The following CYP7B1 variants were observed in gnomAD, a reference collection of about 807,000 sequenced individuals.
The protein encoded by CYP7B1 is cytochrome P450 7B1.
CYP7B1 carries 29 observed loss-of-function variants against 42.7 expected under a neutral mutation model. The observed-to-expected ratio is 0.68, with a 90% CI of 0.51 to 0.93. The LOEUF is 0.93. Among genes scored for constraint, CYP7B1 ranks in the 40% least tolerant of loss-of-function variants. The pLI is 0.00. For synonymous variants in CYP7B1, 235 were observed against 218.2 expected (o/e 1.08, Z -0.68); for missense variants, 655 against 600.5 (o/e 1.09, Z -0.95).
intron 1 of CYP7B1, among the ~76,000 whole-genome samples, chr8:64,691,278 T>C (rs1302276971): frequency 6.6e-6 from 1 of 152,156 alleles, no homozygotes; most frequent in Non-Finnish European, 1.5e-5. Context: ...TTAAGCAGGC[T>C]TAGTGATCAC....
chr8:64,747,916 G>A (rs1256157903), intron 1 of CYP7B1, among the ~76,000 whole-genome samples: 1 of 152,018 alleles, frequency 6.6e-6, no homozygotes, highest in Non-Finnish European at 1.5e-5. Context: ...GTCACCCAAT[G>A]GGTAAGGCTA....
chr8:64,686,377 G>A (rs867863936), intron 1 of CYP7B1, among the ~76,000 whole-genome samples: 1 of 36,394 alleles, frequency 2.7e-5, no homozygotes, highest in Non-Finnish European at 6.0e-5. Flanking sequence ...CCCTCTGCCC[G>A]GCCAGCCGCC....
At chr8:64,734,203 T>C (rs1166351889) in intron 1 of CYP7B1, 1 of 152,194 alleles carries the variant, frequency 6.6e-6, no homozygotes, top group Non-Finnish European at 1.5e-5. Context: ...ATGAGTATGA[T>C]AAACAAATTA....
chr8:64,795,168 TACA>T (rs1804685397), intron 1 of CYP7B1, among the ~76,000 whole-genome samples: 2 of 152,202 alleles, frequency 1.3e-5, no homozygotes, highest in Non-Finnish European at 2.9e-5. Flanking sequence ...TAATGATAGA[TACA>T]ACAACATGAG....
intron 1 of CYP7B1, among the ~76,000 whole-genome samples, chr8:64,746,724 T>C (rs1212846860): frequency 6.6e-6 from 1 of 152,182 alleles, no homozygotes; most frequent in Non-Finnish European, 1.5e-5. Flanking sequence ...GTTACTATTA[T>C]TTACCATTTA....
intron 1 of CYP7B1, among the ~76,000 whole-genome samples, chr8:64,739,415 A>G (rs1346417113): frequency 6.6e-6 from 1 of 152,206 alleles, no homozygotes; most frequent in Admixed American, 6.5e-5. Flanking sequence ...GGAGACAAAA[A>G]CGAGAACACT....
intron 2 of CYP7B1, among the ~76,000 whole-genome samples, chr8:64,618,570 TTC>T (rs10530120): frequency 7.5e-5 from 11 of 146,328 alleles, no homozygotes; most frequent in Admixed American, 4.0e-4. Flanking sequence ...CACATTCATT[TTC>T]TCTCTCTCTC....
intron 1 of CYP7B1, among the ~76,000 whole-genome samples, chr8:64,731,386 T>C (rs967357100): frequency 6.6e-6 from 1 of 152,200 alleles, no homozygotes; most frequent in African/African-American, 2.4e-5. Context: ...TGATTCTTGC[T>C]ATGTTTTAGC....
At chr8:64,757,621 A>G (rs765538756) in intron 1 of CYP7B1, among the ~76,000 whole-genome samples, 2 of 152,194 alleles carry the variant, frequency 1.3e-5, no homozygotes, top group Admixed American at 6.5e-5. Flanking sequence ...TTCTTACATC[A>G]GCCACCATTG....
At chr8:64,675,822 T>C (rs1806437896) in intron 1 of CYP7B1, among the ~76,000 whole-genome samples, 1 of 152,154 alleles carries the variant, frequency 6.6e-6, no homozygotes, top group African/African-American at 2.4e-5. Flanking sequence ...ACATTTTTCC[T>C]GTGAGATTCA....
intron 1 of CYP7B1, among the ~76,000 whole-genome samples, chr8:64,684,517 C>T (rs543211944): frequency 1.1e-4 from 17 of 152,174 alleles, no homozygotes; most frequent in African/African-American, 2.7e-4. Flanking sequence ...TGCTAAGCAG[C>T]GGAATAATGC....
intron 1 of CYP7B1, among the ~76,000 whole-genome samples, chr8:64,662,565 T>C (rs980542397): frequency 1.3e-5 from 2 of 152,024 alleles, no homozygotes; most frequent in African/African-American, 4.8e-5. Context: ...TCAACTAGAG[T>C]GTGAATGCAA....
chr8:64,789,935 C>T (rs182558567), intron 1 of CYP7B1, among the ~76,000 whole-genome samples: 1 of 152,280 alleles, frequency 6.6e-6, no homozygotes, highest in Non-Finnish European at 1.5e-5. Flanking sequence ...AGCCTCAGCA[C>T]CTGACATTTC....
intron 1 of CYP7B1, among the ~76,000 whole-genome samples, chr8:64,693,580 C>T (rs767480286): frequency 6.6e-6 from 1 of 152,078 alleles, no homozygotes; most frequent in Non-Finnish European, 1.5e-5. Context: ...TTATCTTTTA[C>T]CTTTCAAAAG....
rs1222099280 is a variant in CYP7B1 at position 64,599,984 on chromosome 8, C to G, written c.1234-3055G>C. Among the ~76,000 whole-genome samples the G allele has an allele frequency of 2.0e-5, 3 of 152,168 alleles. No individual in the cohort carries two copies. In the South Asian group the frequency reaches 6.2e-4, roughly 31 times the overall value. ...CTTATTTATCTCTGCATGTTTAAAGCCTTCAACACAATGCTATTCCCATAG... is the reference window on the plus strand; with the variant it reads ...CTTATTTATCTCTGCATGTTTAAAGGCTTCAACACAATGCTATTCCCATAG... On this transcript the variant is annotated intron_variant, in intron 5 of 5. Transcript: ENST00000310193.
At chr8:64,797,253 T>C (rs1239369828) in intron 1 of CYP7B1, among the ~76,000 whole-genome samples, 3 of 152,198 alleles carry the variant, frequency 2.0e-5, no homozygotes, top group Non-Finnish European at 4.4e-5. Flanking sequence ...TGTCTGTTTC[T>C]ACCCTGCATG....
At chr8:64,789,477 T>C (rs1257757150) in intron 1 of CYP7B1, among the ~76,000 whole-genome samples, 2 of 152,148 alleles carry the variant, frequency 1.3e-5, no homozygotes, top group East Asian at 3.8e-4. Flanking sequence ...TCATACCTAC[T>C]CCAAACTGGG....
intron 1 of CYP7B1, among the ~76,000 whole-genome samples, chr8:64,686,090 CG>C (rs1806634926): frequency 8.9e-6 from 1 of 111,782 alleles, no homozygotes; most frequent in Non-Finnish European, 1.9e-5. Flanking sequence ...CCGCCCCGTC[CG>C]GGAGGGAGGT....
chr8:64,629,931 G>A (rs1805664797), intron 1 of CYP7B1, among the ~76,000 whole-genome samples: 1 of 152,184 alleles, frequency 6.6e-6, no homozygotes, highest in Admixed American at 6.5e-5. Context: ...GAGACCAGAA[G>A]CCCCAGTGAG....
Sources: gnomAD v4.1 joint callset for allele counts (sites outside exome capture counted in the v4.1 genomes callset) on GRCh38, gnomAD v4.1.1 for gene constraint, MANE v1.5 for transcripts, NCBI Gene and HGNC (gene_info 2026-07-23, HGNC 2026-07-21) for gene names.